The following FRAS1 variants were observed in gnomAD, a reference collection of about 807,000 sequenced individuals.
FRAS1 encodes Fraser extracellular matrix complex subunit 1.
A neutral mutation model predicts 435.2 loss-of-function variants in FRAS1; 290 were observed. The ratio of observed to expected loss-of-function variants is 0.67; its 90% CI spans 0.61 to 0.73. The LOEUF (loss-of-function observed/expected upper bound fraction) is 0.73, where lower values mean the gene tolerates loss of function less well. Ranked by LOEUF, FRAS1 falls within the 30% of genes least tolerant of loss-of-function variation. The probability of loss-of-function intolerance (pLI) is 0.00; values close to 1 mark genes in which losing one functional copy is unlikely to be tolerated. For synonymous variants in FRAS1, 1,800 were observed against 1,851.0 expected (o/e 0.97, Z 0.71); for missense variants, 4,860 against 5,001.5 (o/e 0.97, Z 0.85).
intron 2 of FRAS1, among the ~76,000 whole-genome samples, chr4:78,146,186 A>G (rs1298568077): frequency 6.6e-6 from 1 of 152,182 alleles, no homozygotes; most frequent in African/African-American, 2.4e-5. Flanking sequence ...AATTTCAAAT[A>G]GTAAAATAAG....
At position 78,154,647 on chromosome 4, in the gene FRAS1, C is replaced by T. The variant is rs563370403; in HGVS notation, c.109-82863C>T. 1.0e-3 allele frequency among the ~76,000 whole-genome samples: 159 copies of T among 152,124 alleles called. 1 individual carries two copies. The highest frequency in any genetic ancestry group is 1.2e-3 in the Admixed American group (18 of 15,254). On this transcript the variant is annotated intron_variant, in intron 2 of 73. Coordinates refer to ENST00000512123, the MANE Select transcript of FRAS1 (RefSeq NM_025074.7). ...GCTCGCTTTAATTGGATTCATGTAA[C>T]CATTTAAAATCATTCTTATTGTGAT...
At chr4:78,444,073 T>C (rs1718690969) in intron 41 of FRAS1, 2 of 426,456 alleles carry the variant, frequency 4.7e-6, no homozygotes, top group African/African-American at 4.2e-5. Flanking sequence ...TAGTCTGGTC[T>C]TGAAGTCCTG....
chr4:78,071,910 C>A (rs376096044), intron 2 of FRAS1: 1 of 152,228 alleles, frequency 6.6e-6, no homozygotes, highest in Non-Finnish European at 1.5e-5. Context: ...AAAAGTAATA[C>A]AAAGTTTGTT....
At position 78,373,850 on chromosome 4, in the gene FRAS1, T is replaced by C. The variant is rs544647739; in HGVS notation, c.3011-261T>C. ...TTTATAGTTTATCTAGCATTTTCCATGGGTGGGTAGGACAGTATATCAACC... is the reference window on the plus strand; with the variant it reads ...TTTATAGTTTATCTAGCATTTTCCACGGGTGGGTAGGACAGTATATCAACC... On this transcript the variant is annotated intron_variant, in intron 24 of 73. Coordinates refer to ENST00000512123, the MANE Select transcript of FRAS1 (RefSeq NM_025074.7). Among the ~76,000 whole-genome samples the C allele has an allele frequency of 6.0e-4, 91 of 152,312 alleles. 4 individuals are homozygous for C. In the South Asian group the frequency reaches 0.018, roughly 31 times the overall value.
chr4:78,456,092 C>T (rs1369953267), intron 47 of FRAS1, among the ~76,000 whole-genome samples: 3 of 150,628 alleles, frequency 2.0e-5, no homozygotes, highest in African/African-American at 4.9e-5. Context: ...AGGGAAGCCC[C>T]ACATCCATTT....
intron 58 of FRAS1, among the ~76,000 whole-genome samples, chr4:78,484,442 A>T (rs1460568092): frequency 2.0e-5 from 3 of 152,182 alleles, no homozygotes; most frequent in African/African-American, 4.8e-5. Flanking sequence ...GTAAACAAAC[A>T]TCCTAAGAGT....
At chr4:78,280,967 A>G (rs1727305048) in intron 10 of FRAS1, among the ~76,000 whole-genome samples, 1 of 152,168 alleles carries the variant, frequency 6.6e-6, no homozygotes, top group African/African-American at 2.4e-5. Context: ...TAAATATTGA[A>G]TTTATATTTT....
intron 2 of FRAS1, among the ~76,000 whole-genome samples, chr4:78,141,821 A>C (rs551097416): frequency 1.0e-3 from 153 of 152,316 alleles, no homozygotes; most frequent in African/African-American, 3.6e-3. Flanking sequence ...GGAATGAATT[A>C]ACAGCATTTT....
chr4:78,065,966 G>T lies in FRAS1; in HGVS notation c.77-19G>T. The T allele has an allele frequency of 6.3e-7, 1 of 1,598,090 alleles. No individual in the cohort carries two copies. The highest frequency in any genetic ancestry group is 8.6e-7 in the Non-Finnish European group (1 of 1,166,962). The stretch of plus-strand genomic sequence containing the variant: ...TTATTATGCATCCCTTTTAATTCTT[G>T]TTTTGTTTTTCCCCACAGGTGCTTG... On this transcript the variant is annotated intron_variant, in intron 1 of 73. Coordinates refer to ENST00000512123, the MANE Select transcript of FRAS1 (RefSeq NM_025074.7).
chr4:78,181,190 C>T (rs1355547721), intron 2 of FRAS1: 8 of 1,607,134 alleles, frequency 5.0e-6, no homozygotes, highest in Middle Eastern at 1.7e-4. Flanking sequence ...TACTTTTGCC[C>T]GGTCCTTATT....
At chr4:78,139,850 G>A (rs1012357552) in intron 2 of FRAS1, among the ~76,000 whole-genome samples, 2 of 152,078 alleles carry the variant, frequency 1.3e-5, no homozygotes, top group African/African-American at 4.8e-5. Flanking sequence ...AATTATTTGG[G>A]CTACTGGCTG....
chr4:78,097,787 C>A (rs565582116), intron 2 of FRAS1, among the ~76,000 whole-genome samples: 9 of 152,284 alleles, frequency 5.9e-5, no homozygotes, highest in East Asian at 1.9e-4. Context: ...CCAAACCATA[C>A]AAAGTCCTAA....
chr4:78,143,903 CAAA>C (rs60130624), intron 2 of FRAS1, among the ~76,000 whole-genome samples: 6 of 78,106 alleles, frequency 7.7e-5, no homozygotes, highest in Admixed American at 3.9e-4. Context: ...GACCCTGTCT[CAAA>C]AAAAAAAAAA....
At chr4:78,364,230 G>A (rs145695470) in intron 22 of FRAS1, among the ~76,000 whole-genome samples, 176 bp downstream of exon 22, 93 of 152,338 alleles carry the variant, frequency 6.1e-4, no homozygotes, top group Middle Eastern at 3.4e-3. Context: ...TTATGGCTCA[G>A]ATATCAGCCT....
chr4:78,147,416 G>C (rs1720462513), intron 2 of FRAS1, among the ~76,000 whole-genome samples: 1 of 152,150 alleles, frequency 6.6e-6, no homozygotes, highest in Non-Finnish European at 1.5e-5. Context: ...TTCTAGCTTT[G>C]CTGTTAGTAG....
At chr4:78,154,509 G>A (rs983621017) in intron 2 of FRAS1, among the ~76,000 whole-genome samples, 3 of 152,120 alleles carry the variant, frequency 2.0e-5, no homozygotes, top group African/African-American at 7.2e-5. Flanking sequence ...AGCTATTAAT[G>A]TTTGCATGTT....
chr4:78,423,935 A>G (rs1428181724), intron 34 of FRAS1, among the ~76,000 whole-genome samples: 6 of 152,228 alleles, frequency 3.9e-5, no homozygotes, highest in African/African-American at 1.2e-4. Context: ...GCAGAGTCCT[A>G]TGCTGTATTA....
In FRAS1 at chr4:78,082,238, T is replaced by C. The variant is rs541427299; in HGVS notation, c.108+16222T>C. On this transcript the variant is annotated intron_variant, in intron 2 of 73. Coordinates refer to ENST00000512123, the MANE Select transcript of FRAS1 (RefSeq NM_025074.7). ...AACTCTTCTTTATTGAAAATATATG[T>C]CCTTTCTTTTTCTCACACTTTCACT... Among the ~76,000 whole-genome samples the C allele has an allele frequency of 7.9e-5, 12 of 152,254 alleles. No homozygotes were observed. The East Asian group carries it at 2.3e-3, about 29-fold the overall frequency.
chr4:78,447,147 A>G (rs1485528722), intron 43 of FRAS1, among the ~76,000 whole-genome samples: 1 of 149,848 alleles, frequency 6.7e-6, no homozygotes, highest in Non-Finnish European at 1.5e-5. Flanking sequence ...TTAAGCAAAA[A>G]AGTTTTCAGA....
Sources: allele counts gnomAD v4.1 joint callset (sites outside exome capture counted in the v4.1 genomes callset), GRCh38; gene constraint gnomAD v4.1.1; transcripts MANE v1.5; gene names NCBI Gene and HGNC (gene_info 2026-07-23, HGNC 2026-07-21).